The following FAM199X variants were observed in gnomAD, a reference collection of about 807,000 sequenced individuals.
FAM199X encodes protein FAM199X.
FAM199X carries 4 observed loss-of-function variants against 22.9 expected under a neutral mutation model. The observed-to-expected ratio is 0.17, with a 90% confidence interval of 0.09 to 0.40. FAM199X has a LOEUF of 0.40. Among genes scored for constraint, FAM199X ranks in the 10% least tolerant of loss-of-function variants. The pLI is 1.00. For missense variants in FAM199X, 183 were observed against 306.8 expected (o/e 0.60, Z 3.01); for synonymous variants, 101 against 112.3 (o/e 0.90, Z 0.64).
chrX:104,160,041 G>A, the FAM199X span, among the ~76,000 whole-genome samples: 1 of 111,902 alleles, frequency 8.9e-6, no homozygotes, highest in Admixed American at 9.5e-5. Context: ...TAAATCACTG[G>A]CCCAAGAATC....
At chrX:104,176,958 T>C (rs1921507048) in intron 2 of FAM199X, among the ~76,000 whole-genome samples, 1 of 111,841 alleles carries the variant, frequency 8.9e-6, no homozygotes, top group Non-Finnish European at 1.9e-5. Flanking sequence ...GATTAAAACA[T>C]TTTTAAACTT....
intron 1 of FAM199X, among the ~76,000 whole-genome samples, chrX:104,169,717 A>G (rs1243881858): frequency 2.7e-5 from 3 of 111,774 alleles, no homozygotes; most frequent in African/African-American, 9.8e-5. Flanking sequence ...ATAGGCGTGT[A>G]CCACTATGCC....
chrX:104,163,642 C>T (rs782302601), upstream of FAM199X, among the ~76,000 whole-genome samples: 2 of 110,240 alleles, frequency 1.8e-5, no homozygotes, highest in South Asian at 7.8e-4. Flanking sequence ...TACTGCTATC[C>T]GTGTCTATGT....
chrX:104,195,308 A>G lies in FAM199X; in HGVS notation c.*5530A>G, dbSNP rs1364783475. 3 of 111,551 alleles carry G rather than the reference A, an allele frequency of 2.7e-5. No individual in the cohort carries two copies. The highest frequency in any genetic ancestry group is 9.8e-5 in the African/African-American group (3 of 30,733). The allele number at this position is 111,551 out of a possible 1,213,427, so 9.2% of individuals were successfully genotyped here. A position where few individuals can be genotyped will look rare whatever the true frequency, so the allele number is the denominator to read the frequency against. ...ATGCTCTATCCCAGAATATTTACCA[A>G]CAGAGGAGAACTGCTCCCTTTTCTG... is the stretch of plus-strand genomic sequence containing the variant. On this transcript the variant is annotated 3_prime_UTR_variant, in exon 6 of 6. Coordinates refer to ENST00000493442, the MANE Select transcript of FAM199X (RefSeq NM_207318.4).
chrX:104,170,918 G>C (rs1223322622), intron 1 of FAM199X, among the ~76,000 whole-genome samples: 1 of 111,830 alleles, frequency 8.9e-6, no homozygotes, highest in Non-Finnish European at 1.9e-5. Flanking sequence ...CAGAATAGCA[G>C]CAGAAGTCAG....
chrX:104,174,745 A>T (rs961116631), intron 1 of FAM199X, among the ~76,000 whole-genome samples: 1 of 111,937 alleles, frequency 8.9e-6, no homozygotes, highest in Non-Finnish European at 1.9e-5. Flanking sequence ...ATACTAAAAT[A>T]TATATACACA....
At position 104,190,497 on chromosome X, in the gene FAM199X, G is replaced by A. The variant is rs1000358771; in HGVS notation, c.*719G>A. ...ATGTAAGTTCAGAATCCTTTTTTAA[G>A]TGATGACTACTGATGAAATAATGTT... On this transcript the variant is annotated 3_prime_UTR_variant, in exon 6 of 6. Coordinates refer to ENST00000493442, the MANE Select transcript of FAM199X (RefSeq NM_207318.4). 2.7e-5 allele frequency: 3 copies of A among 111,867 alleles called. No individual in the cohort carries two copies. Among genetic ancestry groups the A allele is most frequent in the Non-Finnish European group, 3.8e-5 (2 of 53,199 alleles). The allele number at this position is 111,867 out of a possible 1,213,427, so 9.2% of individuals were successfully genotyped here.
chrX:104,167,759 G>C (rs187815614), intron 1 of FAM199X, among the ~76,000 whole-genome samples: 189 of 111,131 alleles, frequency 1.7e-3, no homozygotes, highest in African/African-American at 5.8e-3. Flanking sequence ...GATTTCAGTA[G>C]AAGGTAGTGT....
intron 4 of FAM199X, among the ~76,000 whole-genome samples, chrX:104,187,373 C>T (rs1921832644): frequency 8.9e-6 from 1 of 112,229 alleles, no homozygotes; most frequent in Admixed American, 9.4e-5. Context: ...TGAGCCGCTG[C>T]ACCTGGCCTC....
intron 1 of FAM199X, 120 bp from the exon 2 acceptor site, chrX:104,175,503 T>C: frequency 1.7e-6 from 1 of 579,091 alleles, no homozygotes; most frequent in Non-Finnish European, 2.7e-6. Flanking sequence ...AGGGGCTCTT[T>C]TAAAAATACA....
chrX:104,170,387 G>T (rs1480965804), intron 1 of FAM199X, among the ~76,000 whole-genome samples: 4 of 111,192 alleles, frequency 3.6e-5, no homozygotes, highest in African/African-American at 1.3e-4. Context: ...GAAAATGGGG[G>T]GTTAGGATTT....
At chrX:104,181,146 A>G (rs191947291) in intron 2 of FAM199X, among the ~76,000 whole-genome samples, 8 of 112,733 alleles carry the variant, frequency 7.1e-5, no homozygotes, top group Non-Finnish European at 1.1e-4. Flanking sequence ...GAAATTACAT[A>G]TCAGCTGTTA....
upstream of FAM199X, among the ~76,000 whole-genome samples, chrX:104,162,308 C>G (rs1556372817): frequency 9.0e-6 from 1 of 111,612 alleles, no homozygotes; most frequent in Non-Finnish European, 1.9e-5. Context: ...GTTTGGCTCT[C>G]TATTTTAAAT....
Position 104,195,558 on chromosome X carries a change from T to C in FAM199X, c.*5780T>C, listed in dbSNP as rs1312247580. ...AATTTTTTTTGACAAAAAATAGATC[T>C]ATTTTCCTTATATATTGATTTAGAA... On this transcript the variant is annotated 3_prime_UTR_variant, in exon 6 of 6. Transcript: ENST00000493442. 9.0e-6 allele frequency: 1 copy of C among 111,564 alleles called. No homozygotes were observed. The highest frequency in any genetic ancestry group is 3.2e-5 in the African/African-American group (1 of 30,790). 9.2% of individuals were successfully genotyped at this position (111,564 alleles called of 1,213,427 possible).
At chrX:104,165,444 C>T (rs1297483518), upstream of FAM199X, among the ~76,000 whole-genome samples, 1 of 111,749 alleles carries the variant, frequency 8.9e-6, no homozygotes, top group Non-Finnish European at 1.9e-5. Flanking sequence ...TCCTTTCCGC[C>T]TATTTAAGTT....
chrX:104,176,675 A>C (rs183448667), intron 2 of FAM199X, among the ~76,000 whole-genome samples: 396 of 112,250 alleles, frequency 3.5e-3, no homozygotes, highest in African/African-American at 0.012. Context: ...CACTGTTAGG[A>C]GCTTATGCAG....
At chrX:104,185,087 T>TTTG in intron 2 of FAM199X, among the ~76,000 whole-genome samples, 1 of 103,164 alleles carries the variant, frequency 9.7e-6, no homozygotes, top group South Asian at 4.6e-4. Context: ...TTTTTTTTTT[T>TTTG]AGAGAGACGG....
At chrX:104,175,949 A>G in intron 2 of FAM199X, 107 bp downstream of exon 2, 1 of 542,230 alleles carries the variant, frequency 1.8e-6, no homozygotes, top group Non-Finnish European at 2.9e-6. Flanking sequence ...TCTAATGTTT[A>G]TCCAGTCCTG....
chrX:104,165,757 C>T (rs1463504325), upstream of FAM199X, among the ~76,000 whole-genome samples: 1 of 110,926 alleles, frequency 9.0e-6, no homozygotes, highest in East Asian at 2.8e-4. Context: ...TCAAGTTGAA[C>T]AAGTTAAGCT....
Sources: gnomAD v4.1 joint callset for allele counts (sites outside exome capture counted in the v4.1 genomes callset) on GRCh38, gnomAD v4.1.1 for gene constraint, MANE v1.5 for transcripts, NCBI Gene and HGNC (gene_info 2026-07-23, HGNC 2026-07-21) for gene names.